The following TFEC variants were observed in gnomAD, a reference collection of about 807,000 sequenced individuals.
TFEC encodes transcription factor EC, also known as class E basic helix-loop-helix protein 34.
A neutral mutation model predicts 41.6 loss-of-function variants in TFEC; 31 were observed. The observed-to-expected ratio is 0.74, with a 90% CI of 0.56 to 1.01. The LOEUF is 1.01. TFEC is among the 50% of genes least tolerant of loss of function. The pLI is 0.00. For synonymous variants in TFEC, 143 were observed against 140.6 expected (o/e 1.02, Z -0.12); for missense variants, 402 against 404.1 (o/e 0.99, Z 0.04).
At chr7:116,094,598 T>C (rs763672884) in intron 3 of TFEC, among the ~76,000 whole-genome samples, 1 of 152,092 alleles carries the variant, frequency 6.6e-6, no homozygotes, top group Non-Finnish European at 1.5e-5. Context: ...GAGAATTGCT[T>C]GAACCTGGGA....
At chr7:115,971,385 T>C (rs1007538451) in intron 3 of TFEC, among the ~76,000 whole-genome samples, 1 of 151,932 alleles carries the variant, frequency 6.6e-6, no homozygotes, top group Non-Finnish European at 1.5e-5. Context: ...AAAAAAAACC[T>C]TACATATCCA....
intron 3 of TFEC, among the ~76,000 whole-genome samples, chr7:116,108,344 G>A (rs544181512): frequency 1.1e-4 from 16 of 152,148 alleles, no homozygotes; most frequent in Non-Finnish European, 2.1e-4. Flanking sequence ...ATACTTGTAG[G>A]CCCAATTCAA....
At chr7:115,969,385 A>G (rs766360640) in intron 3 of TFEC, among the ~76,000 whole-genome samples, 1 of 151,926 alleles carries the variant, frequency 6.6e-6, no homozygotes, top group East Asian at 1.9e-4. Flanking sequence ...TGATTTGAGG[A>G]GTCATGGAGT....
rs1202030575 is a variant in TFEC at position 115,976,166 on chromosome 7, G to A, written c.181-1910C>T. ...TGGCCGGGTGCAGTGGCTCACACCTGCAATCCCAGCACTTTGGGAGCCTGA... is the reference window on the plus strand; with the variant it reads ...TGGCCGGGTGCAGTGGCTCACACCTACAATCCCAGCACTTTGGGAGCCTGA... On this transcript the variant is annotated intron_variant, in intron 2 of 7. Transcript: ENST00000265440. 3.3e-5 allele frequency among the ~76,000 whole-genome samples: 5 copies of A among 152,090 alleles called. No individual in the cohort carries two copies. In the East Asian group the frequency reaches 9.6e-4, roughly 29 times the overall value.
intron 1 of TFEC, among the ~76,000 whole-genome samples, chr7:116,154,925 GC>G (rs1169370108): frequency 6.6e-6 from 1 of 152,160 alleles, no homozygotes; most frequent in Non-Finnish European, 1.5e-5. Context: ...AGGGGTCTCA[GC>G]CTTGGCCCTG....
intron 3 of TFEC, among the ~76,000 whole-genome samples, chr7:116,077,614 C>A (rs1796989721): frequency 6.6e-6 from 1 of 151,816 alleles, no homozygotes; most frequent in African/African-American, 2.4e-5. Flanking sequence ...CAAATGCAAG[C>A]AAGAGTAGTT....
At chr7:116,010,704 T>C (rs1350312139) in intron 1 of TFEC, among the ~76,000 whole-genome samples, 1 of 152,188 alleles carries the variant, frequency 6.6e-6, no homozygotes, top group South Asian at 2.1e-4. Flanking sequence ...GATGGATTCC[T>C]AACTTCTAAT....
intron 1 of TFEC, among the ~76,000 whole-genome samples, chr7:116,113,520 C>G (rs865946277): frequency 3.9e-5 from 6 of 151,928 alleles, no homozygotes; most frequent in Middle Eastern, 6.8e-3. Flanking sequence ...CTTAAGTCAC[C>G]CAGTTTGTGG....
chr7:115,992,091 T>G (rs907888670), intron 1 of TFEC, among the ~76,000 whole-genome samples: 1 of 152,166 alleles, frequency 6.6e-6, no homozygotes, highest in Non-Finnish European at 1.5e-5. Context: ...CTGAACAACC[T>G]GCTCCTGAAT....
intron 3 of TFEC, among the ~76,000 whole-genome samples, chr7:115,961,490 TC>T (rs1055547895): frequency 6.6e-6 from 1 of 151,408 alleles, no homozygotes; most frequent in Non-Finnish European, 1.5e-5. Flanking sequence ...TAACCATCAT[TC>T]TTTTAAAAAA....
chr7:116,110,932 AGTGGATTTG>A, intron 2 of TFEC: 3 of 1,472,072 alleles, frequency 2.0e-6, no homozygotes, highest in Middle Eastern at 1.8e-4. Flanking sequence ...TCTCACTATT[AGTGGATTTG>A]GAAAAAAAGG....
At chr7:116,098,515 C>T (rs546463746) in intron 3 of TFEC, among the ~76,000 whole-genome samples, 36 of 152,166 alleles carry the variant, frequency 2.4e-4, no homozygotes, top group Non-Finnish European at 3.8e-4. Flanking sequence ...CCACCAAGAA[C>T]ACCTAGTCAT....
intron 3 of TFEC, among the ~76,000 whole-genome samples, chr7:116,054,634 T>C (rs1001530859): frequency 6.6e-6 from 1 of 152,140 alleles, no homozygotes; most frequent in Admixed American, 6.5e-5. Context: ...CCAGATACAT[T>C]TGAATTTCAG....
At chr7:115,989,609 G>A (rs578135535) in intron 1 of TFEC, among the ~76,000 whole-genome samples, 153 of 152,320 alleles carry the variant, frequency 1.0e-3, no homozygotes, top group African/African-American at 2.4e-3. Context: ...CCATGCCCAC[G>A]GAGCCTTGCT....
At chr7:116,068,432 AG>A (rs1481382135) in intron 3 of TFEC, among the ~76,000 whole-genome samples, 1 of 151,830 alleles carries the variant, frequency 6.6e-6, no homozygotes, top group Non-Finnish European at 1.5e-5. Flanking sequence ...GTGGGTACAT[AG>A]GTAATGATGA....
chr7:116,034,619 G>A (rs755509500), upstream of TFEC, among the ~76,000 whole-genome samples: 5 of 151,246 alleles, frequency 3.3e-5, no homozygotes, highest in East Asian at 1.9e-4. Context: ...CTGGATTGCC[G>A]CAAAGACCTT....
At chr7:115,955,596 C>T (rs1405037783) in intron 4 of TFEC, among the ~76,000 whole-genome samples, 3 of 151,994 alleles carry the variant, frequency 2.0e-5, no homozygotes, top group Admixed American at 2.0e-4. Flanking sequence ...AGATTCTGGT[C>T]TGAACGAATT....
At position 115,950,863 on chromosome 7, in the gene TFEC, G is replaced by T. The variant is rs1291542749; in HGVS notation, c.515+11C>A. The T allele has an allele frequency of 1.6e-5, 25 of 1,586,432 alleles. No individual in the cohort carries two copies. The highest frequency in any genetic ancestry group is 2.0e-5 in the Non-Finnish European group (23 of 1,162,794). On this transcript the variant is annotated intron_variant, in intron 6 of 7. Transcript: ENST00000265440. ...TTATAACATTATTATAGAAATGATTGTTGAACTCACGGATCATTAGACTTT... is the reference window on the plus strand; with the variant it reads ...TTATAACATTATTATAGAAATGATTTTTGAACTCACGGATCATTAGACTTT...
intron 6 of TFEC, among the ~76,000 whole-genome samples, chr7:115,945,026 T>C (rs1791454992): frequency 6.7e-6 from 1 of 150,236 alleles, no homozygotes; most frequent in Non-Finnish European, 1.5e-5. Context: ...AATTGTATAG[T>C]CTGATATACT....
Sources: gnomAD v4.1 joint callset for allele counts (sites outside exome capture counted in the v4.1 genomes callset) on GRCh38, gnomAD v4.1.1 for gene constraint, MANE v1.5 for transcripts, NCBI Gene and HGNC (gene_info 2026-07-23, HGNC 2026-07-21) for gene names.